PDHA1: variants seen among roughly 807,000 people sequenced by gnomAD.
PDHA1 encodes pyruvate dehydrogenase E1 subunit alpha 1.
Under a neutral mutation model 33.0 loss-of-function variants are expected in PDHA1, and 1 was observed. That is an observed-to-expected ratio of 0.03 (90% CI 0.01 to 0.14). The LOEUF is 0.14. Ranked by LOEUF, PDHA1 falls within the 10% of genes least tolerant of loss-of-function variation. The pLI is 1.00. For missense variants in PDHA1, 168 were observed against 325.1 expected, an observed-to-expected ratio of 0.52 and a Z score of 3.72; for synonymous variants, 123 against 119.2, an observed-to-expected ratio of 1.03 and a Z score of -0.21.
At chrX:19,344,170 C>A in intron 1 of PDHA1, 76 bp downstream of exon 1, 1 of 943,038 alleles carries the variant, frequency 1.1e-6, no homozygotes, top group Non-Finnish European at 1.5e-6. Flanking sequence ...CGGGCCAGGC[C>A]GGGCCACCCA....
Position 19,359,545 on chromosome X carries a change from C to T in PDHA1, c.1065C>T (p.Ala355=), listed in dbSNP as rs749696135. Residue 355 remains alanine, a synonymous_variant, in exon 11 of 11, where the codon GCC becomes GCT. Transcript: ENST00000422285. Reference sequence around the variant, plus strand: ...AGGATGCTGCCCAGTTTGCCACGGCCGATCCTGAGCCACCTTTGGAAGAGC... The same window carrying T: ...AGGATGCTGCCCAGTTTGCCACGGCTGATCCTGAGCCACCTTTGGAAGAGC... The part of the protein sequence containing the change: ...EIEDAAQFAT[A]DPEPPLEELG... The T allele has an allele frequency of 2.6e-5, 32 of 1,207,809 alleles. 1 individual carries two copies. The South Asian group carries it at 4.1e-4, about 15-fold the overall frequency.
At position 19,355,408 on chromosome X, in the gene PDHA1, C is replaced by T. The variant is rs929262350; in HGVS notation, c.663C>T (p.Ile221=). Residue 221 remains isoleucine, a synonymous_variant, in exon 7 of 11, where the codon ATC becomes ATT. Coordinates refer to ENST00000422285, the MANE Select transcript of PDHA1 (RefSeq NM_000284.4). ...AALWKLPCIF[I]CENNRYGMGT... is the part of the protein sequence containing the mutation. Reference sequence around the variant, plus strand: ...TGTGGAAATTACCTTGTATTTTCATCTGTGAGAATAATCGCTATGGAATGG... The same window carrying T: ...TGTGGAAATTACCTTGTATTTTCATTTGTGAGAATAATCGCTATGGAATGG... The T allele has an allele frequency of 1.7e-6, 2 of 1,209,114 alleles. No individual in the cohort carries two copies. Among genetic ancestry groups the T allele is most frequent in the African/African-American group, 3.5e-5 (2 of 57,352 alleles).
chrX:19,350,789 A>C (rs1029317870), intron 3 of PDHA1, among the ~76,000 whole-genome samples: 6 of 111,901 alleles, frequency 5.4e-5, no homozygotes, highest in Non-Finnish European at 1.1e-4. Context: ...GTTAGAGTCA[A>C]ATACCTACAA....
In PDHA1 at chrX:19,360,712, G is replaced by T; in HGVS notation, c.*1059G>T. 1 of 1,050,650 alleles carries T rather than the reference G, an allele frequency of 9.5e-7. No individual in the cohort carries two copies. Among genetic ancestry groups the T allele is most frequent in the Non-Finnish European group, 1.3e-6 (1 of 752,208 alleles). The allele number at this position is 1,050,650 out of a possible 1,213,427, so 86.6% of individuals were successfully genotyped here. On this transcript the variant is annotated 3_prime_UTR_variant, in exon 11 of 11. Transcript: ENST00000422285. ...CAGAAGCTTTAACAAAACATGTAGC[G>T]TGGTGGGACACTCTGCCACAGCTTA...
In PDHA1 at chrX:19,359,904, A is replaced by AGGAAGAACAATTCCTTGTATGCCTGT. The variant is rs2063257243; in HGVS notation, c.*252_*277dup. The AGGAAGAACAATTCCTTGTATGCCTGT allele has an allele frequency of 2.6e-6, 1 of 390,083 alleles. No individual in the cohort carries two copies. Among genetic ancestry groups the AGGAAGAACAATTCCTTGTATGCCTGT allele is most frequent in the Non-Finnish European group, 4.5e-6 (1 of 220,478 alleles). The allele number at this position is 390,083 out of a possible 1,213,427, so 32.1% of individuals were successfully genotyped here. On this transcript the variant is annotated 3_prime_UTR_variant, in exon 11 of 11. Transcript: ENST00000422285. Reference sequence around the variant, plus strand: ...TTGAACAAATACTCTAATTATGAAAAGGAAGAACAATTCCTTGTATGCCTG... The same window carrying AGGAAGAACAATTCCTTGTATGCCTGT: ...TTGAACAAATACTCTAATTATGAAAAGGAAGAACAATTCCTTGTATGCCTGTGGAAGAACAATTCCTTGTATGCCTG...
chrX:19,353,791 T>C (rs1216678680), intron 5 of PDHA1, among the ~76,000 whole-genome samples: 1 of 111,808 alleles, frequency 8.9e-6, no homozygotes, highest in African/African-American at 3.3e-5. Flanking sequence ...TATATTTCAG[T>C]ACATTAATTG....
At position 19,358,899 on chromosome X, in the gene PDHA1, C is replaced by A; in HGVS notation, c.900-17C>A. The A allele has an allele frequency of 1.0e-6, 1 of 1,004,389 alleles. No individual in the cohort carries two copies. Among genetic ancestry groups the A allele is most frequent in the Non-Finnish European group, 1.4e-6 (1 of 706,213 alleles). 82.8% of individuals were successfully genotyped at this position (1,004,389 alleles called of 1,213,427 possible). On this transcript the variant is annotated splice_polypyrimidine_tract_variant and intron_variant, in intron 9 of 10. Transcript: ENST00000422285. ...AACTGCTCTTACTGATCGATTACTA[C>A]TTTTCCCTCCCCATAGTTACCGTAC...
chrX:19,358,625 C>T (rs1414156377), intron 9 of PDHA1, among the ~76,000 whole-genome samples: 2 of 111,837 alleles, frequency 1.8e-5, no homozygotes, highest in Non-Finnish European at 3.8e-5. Flanking sequence ...AACTTGGCCC[C>T]TGTTGTCGGA....
rs1296783815 is a variant in PDHA1 at position 19,361,587 on chromosome X, G to C, written c.*1934G>C. On this transcript the variant is annotated 3_prime_UTR_variant, in exon 11 of 11. Coordinates refer to ENST00000422285, the MANE Select transcript of PDHA1 (RefSeq NM_000284.4). Reference sequence around the variant, plus strand: ...CCCGTAGGGGCCTGCTGGGTTCTCTGTAATACCTGTAACGATTGGCAATTT... The same window carrying C: ...CCCGTAGGGGCCTGCTGGGTTCTCTCTAATACCTGTAACGATTGGCAATTT... 9 of 1,188,487 alleles carry C rather than the reference G, an allele frequency of 7.6e-6. No homozygotes were observed. In the Admixed American group the frequency reaches 1.1e-4, roughly 15 times the overall value.
chrX:19,357,466 G>GCAAT (rs752875130), intron 8 of PDHA1, 186 bp from the exon 9 acceptor site: 41 of 498,915 alleles, frequency 8.2e-5, no homozygotes, highest in Middle Eastern at 5.7e-4. Context: ...GATGAAATAT[G>GCAAT]CAATCAATAC....
chrX:19,356,617 A>G (rs775883685), intron 8 of PDHA1, among the ~76,000 whole-genome samples: 42 of 111,651 alleles, frequency 3.8e-4, no homozygotes, highest in Non-Finnish European at 6.8e-4. Context: ...TATTGACGCC[A>G]CCTCTCCCAA....
chrX:19,358,839 TATC>T, intron 9 of PDHA1, 74 bp from the exon 10 acceptor site: 2 of 595,909 alleles, frequency 3.4e-6, no homozygotes, highest in South Asian at 2.3e-5. Flanking sequence ...TCCAACCCCA[TATC>T]ATGTTTCATC....
chrX:19,358,824 G>A, intron 9 of PDHA1, 92 bp from the exon 10 acceptor site: 1 of 567,086 alleles, frequency 1.8e-6, no homozygotes, highest in Non-Finnish European at 3.2e-6. Context: ...ACCTCATTGG[G>A]ACAATCCAAC....
chrX:19,359,666 G>GAGAGGTTATACCTTCA lies in PDHA1; in HGVS notation c.*14_*29dup. 2 of 1,197,058 alleles carry GAGAGGTTATACCTTCA rather than the reference G, an allele frequency of 1.7e-6. No homozygotes were observed. Among genetic ancestry groups the GAGAGGTTATACCTTCA allele is most frequent in the Middle Eastern group, 2.3e-4 (1 of 4,317 alleles). ...GTCAGTCAGTTAAGGGGAGGAGAAG[G>GAGAGGTTATACCTTCA]AGAGGTTATACCTTCAGGGGGCTAC... On this transcript the variant is annotated 3_prime_UTR_variant, in exon 11 of 11. Coordinates refer to ENST00000422285, the MANE Select transcript of PDHA1 (RefSeq NM_000284.4).
rs1291891723 is a variant in PDHA1, at chrX:19,359,845, C to CTTAAAGATTATT, written c.*195_*206dup. On this transcript the variant is annotated 3_prime_UTR_variant, in exon 11 of 11. Transcript: ENST00000422285. ...GCATTAAAAGATGAATTATTGAGTGCTTAAAGATTATTTTTGACTTAAAAT... is the reference window on the plus strand; with the variant it reads ...GCATTAAAAGATGAATTATTGAGTGCTTAAAGATTATTTTAAAGATTATTTTTGACTTAAAAT... 2.5e-5 allele frequency: 12 copies of CTTAAAGATTATT among 471,285 alleles called. No homozygotes were observed. Among genetic ancestry groups the CTTAAAGATTATT allele is most frequent in the Non-Finnish European group, 4.1e-5 (11 of 267,034 alleles). The allele number at this position is 471,285 out of a possible 1,213,427, so 38.8% of individuals were successfully genotyped here.
chrX:19,352,909 C>G (rs1358029159), intron 4 of PDHA1, 173 bp from the exon 5 acceptor site: 7 of 515,548 alleles, frequency 1.4e-5, no homozygotes, highest in African/African-American at 2.3e-5. Context: ...GCACATGGAA[C>G]TAGTGAAAGG....
chrX:19,344,954 C>A (rs1439674888), intron 1 of PDHA1, among the ~76,000 whole-genome samples: 1 of 111,576 alleles, frequency 9.0e-6, no homozygotes, highest in Admixed American at 9.5e-5. Flanking sequence ...TCAGGAGCGC[C>A]GAAGCAGAAC....
intron 5 of PDHA1, among the ~76,000 whole-genome samples, chrX:19,353,941 T>A (rs894368935): frequency 2.7e-5 from 3 of 111,658 alleles, no homozygotes; most frequent in Admixed American, 9.6e-5. Context: ...TGTTTTTTTT[T>A]AAACCTAGGT....
intron 9 of PDHA1, among the ~76,000 whole-genome samples, chrX:19,358,329 CT>C (rs751533462): frequency 6.2e-5 from 7 of 112,035 alleles, no homozygotes; most frequent in Non-Finnish European, 1.3e-4. Flanking sequence ...GAAAAATGCA[CT>C]TTGTGTAAAT....
Sources: allele counts gnomAD v4.1 joint callset (sites outside exome capture counted in the v4.1 genomes callset), GRCh38; gene constraint gnomAD v4.1.1; transcripts MANE v1.5; gene names NCBI Gene and HGNC (gene_info 2026-07-23, HGNC 2026-07-21).